PTPN13: variants seen among roughly 807,000 people sequenced by gnomAD.
PTPN13 encodes the protein protein tyrosine phosphatase non-receptor type 13.
PTPN13 carries 191 observed loss-of-function variants against 284.0 expected under a neutral mutation model. The ratio of observed to expected loss-of-function variants is 0.67; its 90% CI spans 0.60 to 0.76. PTPN13 has a LOEUF of 0.76. Among genes scored for constraint, PTPN13 ranks in the 30% least tolerant of loss-of-function variants. The probability of loss-of-function intolerance (pLI) is 0.00; values close to 1 mark genes in which losing one functional copy is unlikely to be tolerated. For missense variants in PTPN13, 2,797 were observed against 2,939.9 expected, an observed-to-expected ratio of 0.95 and a Z score of 1.12; for synonymous variants, 986 against 1,022.3, an observed-to-expected ratio of 0.96 and a Z score of 0.68.
chr4:86,662,039 G>T (rs1377894499), intron 2 of PTPN13, among the ~76,000 whole-genome samples: 1 of 152,114 alleles, frequency 6.6e-6, no homozygotes, highest in Non-Finnish European at 1.5e-5. Flanking sequence ...GTCCTTTACT[G>T]TAAAACTTTT....
chr4:86,802,320 A>G (rs761473610), intron 42 of PTPN13, among the ~76,000 whole-genome samples: 5 of 152,132 alleles, frequency 3.3e-5, no homozygotes, highest in Non-Finnish European at 7.4e-5. Flanking sequence ...ACTTATTTTT[A>G]AAAATTGCCT....
chr4:86,670,136 C>T (rs1565282142), intron 2 of PTPN13, among the ~76,000 whole-genome samples: 2 of 147,756 alleles, frequency 1.4e-5, no homozygotes, highest in Non-Finnish European at 3.0e-5. Flanking sequence ...CCCTAGGGCT[C>T]AGTCCTTGGT....
intron 5 of PTPN13, among the ~76,000 whole-genome samples, chr4:86,690,822 G>C (rs192793305): frequency 3.7e-3 from 565 of 151,850 alleles, no homozygotes; most frequent in Non-Finnish European, 6.5e-3. Context: ...ATCCCTTTAA[G>C]GTTTAGCATT....
At chr4:86,767,715 TA>T in intron 27 of PTPN13, 101 bp from the exon 28 acceptor site, 3 of 925,810 alleles carry the variant, frequency 3.2e-6, no homozygotes, top group Non-Finnish European at 4.5e-6. Flanking sequence ...ATTTGGTAGT[TA>T]CTTTAAATGA....
chr4:86,688,869 A>T, intron 4 of PTPN13, 136 bp from the exon 5 acceptor site: 1 of 603,122 alleles, frequency 1.7e-6, no homozygotes. Context: ...GCTTATGCTG[A>T]TAAAAAGGAA....
At chr4:86,613,633 C>CAAAAAAAAAAAAAAAAAAAAAA (rs544971012) in intron 1 of PTPN13, among the ~76,000 whole-genome samples, 14 of 61,514 alleles carry the variant, frequency 2.3e-4, no homozygotes, top group African/African-American at 5.2e-4. Context: ...GACTCCGTCT[C>CAAAAAAAAAAAAAAAAAAAAAA]AAAAAAAAAA....
intron 1 of PTPN13, among the ~76,000 whole-genome samples, chr4:86,634,355 A>G (rs1271775098): frequency 6.6e-6 from 1 of 152,202 alleles, no homozygotes; most frequent in Non-Finnish European, 1.5e-5. Context: ...GAAAATTTAT[A>G]TAGAAGGATT....
Position 86,803,876 on chromosome 4 carries a change from T to G in PTPN13, c.6654+19T>G. The G allele has an allele frequency of 6.2e-7, 1 of 1,611,710 alleles. No individual in the cohort carries two copies. Among genetic ancestry groups the G allele is most frequent in the Non-Finnish European group, 8.5e-7 (1 of 1,178,258 alleles). On this transcript the variant is annotated intron_variant, in intron 43 of 47. Coordinates refer to ENST00000411767, the MANE Select transcript of PTPN13 (RefSeq NM_080683.3). ...GCTGGAGGTAAGTGGCTTCTGCCAA[T>G]GATTCTCTCCCAAAGTGTATGCATT...
chr4:86,735,510 A>G, intron 14 of PTPN13, 84 bp from the exon 15 acceptor site: 1 of 1,471,660 alleles, frequency 6.8e-7, no homozygotes, highest in Non-Finnish European at 9.2e-7. Flanking sequence ...TCTCTTAGCC[A>G]AAGCAAGAAC....
chr4:86,737,256 T>A (rs13434642), intron 15 of PTPN13, among the ~76,000 whole-genome samples: 3 of 150,934 alleles, frequency 2.0e-5, no homozygotes, highest in East Asian at 1.9e-4. Context: ...TAAAATAAAA[T>A]ATAAAATAAA....
intron 35 of PTPN13, among the ~76,000 whole-genome samples, chr4:86,777,941 T>C (rs894339211): frequency 5.5e-5 from 7 of 128,280 alleles, no homozygotes; most frequent in Non-Finnish European, 1.3e-4. Flanking sequence ...TTTTGCTAAC[T>C]TTAGGTCCAA....
intron 15 of PTPN13, among the ~76,000 whole-genome samples, chr4:86,739,027 A>G (rs1296841309): frequency 1.3e-5 from 2 of 151,924 alleles, no homozygotes; most frequent in African/African-American, 4.8e-5. Flanking sequence ...GAAGTTTCCA[A>G]TTTTTTTTAT....
chr4:86,749,726 G>C (rs944353014), intron 17 of PTPN13, among the ~76,000 whole-genome samples: 1 of 152,166 alleles, frequency 6.6e-6, no homozygotes, highest in Non-Finnish European at 1.5e-5. Flanking sequence ...GAGATGCCCA[G>C]CTCCCTGATC....
chr4:86,793,070 G>C (rs1742872456), intron 40 of PTPN13, among the ~76,000 whole-genome samples: 1 of 152,160 alleles, frequency 6.6e-6, no homozygotes. Context: ...CTGGCAATTG[G>C]ATAAAGAGTC....
At chr4:86,708,362 T>C (rs1429971778) in intron 7 of PTPN13, among the ~76,000 whole-genome samples, 1 of 151,562 alleles carries the variant, frequency 6.6e-6, no homozygotes, top group Non-Finnish European at 1.5e-5. Context: ...ACTGAGAATG[T>C]ATATTTACTT....
chr4:86,788,771 G>C (rs1742279039), intron 40 of PTPN13, among the ~76,000 whole-genome samples: 1 of 152,168 alleles, frequency 6.6e-6, no homozygotes, highest in African/African-American at 2.4e-5. Context: ...AGGTGTTAGG[G>C]TTTCTGTCCT....
intron 6 of PTPN13, among the ~76,000 whole-genome samples, chr4:86,699,491 A>G (rs988390975): frequency 6.6e-6 from 1 of 152,204 alleles, no homozygotes; most frequent in Non-Finnish European, 1.5e-5. Context: ...TGACAACACC[A>G]TCAGCCAAAA....
chr4:86,677,521 G>A (rs1728424090), intron 3 of PTPN13, among the ~76,000 whole-genome samples: 1 of 151,474 alleles, frequency 6.6e-6, no homozygotes, highest in African/African-American at 2.4e-5. Flanking sequence ...CACCATGTTG[G>A]CCAGGATGGT....
intron 36 of PTPN13, 54 bp from the exon 37 acceptor site, chr4:86,782,147 C>G (rs183579261): frequency 5.0e-6 from 6 of 1,211,710 alleles, no homozygotes; most frequent in Non-Finnish European, 7.2e-6. Context: ...ATTTTGATGT[C>G]CCTCTTGTGG....
Sources: gnomAD v4.1 joint callset for allele counts (sites outside exome capture counted in the v4.1 genomes callset) on GRCh38, gnomAD v4.1.1 for gene constraint, MANE v1.5 for transcripts, NCBI Gene and HGNC (gene_info 2026-07-23, HGNC 2026-07-21) for gene names.